The following ELMO1 variants were observed in gnomAD, a reference collection of about 807,000 sequenced individuals.
The protein encoded by ELMO1 is engulfment and cell motility 1.
ELMO1 carries 26 observed loss-of-function variants against 98.9 expected under a neutral mutation model. The ratio of observed to expected loss-of-function variants is 0.26; its 90% CI spans 0.19 to 0.36. ELMO1 has a LOEUF of 0.36. Ranked by LOEUF, ELMO1 falls within the 10% of genes least tolerant of loss-of-function variation. The pLI, the probability that ELMO1 is intolerant of heterozygous loss-of-function variation, is 1.00. For synonymous variants in ELMO1, 346 were observed against 346.0 expected, an observed-to-expected ratio of 1.00 and a Z score of 0.00; for missense variants, 627 against 935.2, an observed-to-expected ratio of 0.67 and a Z score of 4.30.
chr7:37,124,708 G>A (rs1386202119), intron 14 of ELMO1, among the ~76,000 whole-genome samples: 3 of 152,138 alleles, frequency 2.0e-5, no homozygotes, highest in Non-Finnish European at 4.4e-5. Flanking sequence ...TGGCCATACT[G>A]CTCAAGGTAA....
At chr7:37,447,864 C>T (rs1367957141) in intron 1 of ELMO1, among the ~76,000 whole-genome samples, 3 of 152,026 alleles carry the variant, frequency 2.0e-5, no homozygotes, top group Admixed American at 6.5e-5. Flanking sequence ...CTCCGGCGAT[C>T]GCAGTCGCCA....
At chr7:37,392,983 T>C (rs925689851) in intron 1 of ELMO1, among the ~76,000 whole-genome samples, 1 of 152,186 alleles carries the variant, frequency 6.6e-6, no homozygotes, top group Non-Finnish European at 1.5e-5. Context: ...CTCTTGGTTG[T>C]GCCCCTTGGC....
chr7:37,326,758 T>C (rs747683613), intron 2 of ELMO1, among the ~76,000 whole-genome samples: 3 of 152,134 alleles, frequency 2.0e-5, no homozygotes, highest in Non-Finnish European at 2.9e-5. Flanking sequence ...TAAGCAAAGA[T>C]AGAAATAATT....
chr7:37,192,023 T>C lies in ELMO1; in HGVS notation c.1086+19363A>G, dbSNP rs1459397752. Among the ~76,000 whole-genome samples the C allele has an allele frequency of 5.3e-5, 8 of 152,242 alleles. 1 individual carries two copies. The highest frequency in any genetic ancestry group is 1.9e-4 in the African/African-American group (8 of 41,464). On this transcript the variant is annotated intron_variant, in intron 13 of 21. Coordinates refer to ENST00000310758, the MANE Select transcript of ELMO1 (RefSeq NM_014800.11). ...ATCAAACATAGAGGTCAGTCTCCAC[T>C]GTGTAAAGGACAGAGTTCACAGAAG... is the stretch of plus-strand genomic sequence containing the variant.
At chr7:37,167,557 T>A (rs1219442367) in intron 13 of ELMO1, among the ~76,000 whole-genome samples, 28 of 150,778 alleles carry the variant, frequency 1.9e-4, no homozygotes, top group Non-Finnish European at 3.0e-4. Flanking sequence ...CTCTCAGCAT[T>A]TGCTTGTCTG....
At chr7:37,044,974 T>C (rs1795720109) in intron 15 of ELMO1, among the ~76,000 whole-genome samples, 1 of 152,246 alleles carries the variant, frequency 6.6e-6, no homozygotes, top group South Asian at 2.1e-4. Context: ...TTAGATAAAG[T>C]GGCTATACAG....
chr7:37,280,430 A>G (rs990737430), intron 4 of ELMO1, among the ~76,000 whole-genome samples: 9 of 152,326 alleles, frequency 5.9e-5, no homozygotes, highest in African/African-American at 2.2e-4. Context: ...ACAGAGTGGG[A>G]GAAAATCTTC....
chr7:37,374,353 G>A (rs1160188020), intron 1 of ELMO1, among the ~76,000 whole-genome samples: 6 of 152,128 alleles, frequency 3.9e-5, no homozygotes, highest in Non-Finnish European at 5.9e-5. Context: ...CATGTTGTCC[G>A]AGAATTAATA....
chr7:36,965,615 C>T (rs202048909), intron 16 of ELMO1, among the ~76,000 whole-genome samples: 15 of 152,176 alleles, frequency 9.9e-5, no homozygotes, highest in East Asian at 7.7e-4. Flanking sequence ...AAGCAATGAT[C>T]AACATAACTG....
At chr7:37,010,906 G>A (rs949389891) in intron 16 of ELMO1, among the ~76,000 whole-genome samples, 2 of 152,226 alleles carry the variant, frequency 1.3e-5, no homozygotes, top group African/African-American at 2.4e-5. Context: ...AGTATTTAAT[G>A]TAGAAAATTA....
chr7:37,387,259 A>C (rs1802847536), intron 1 of ELMO1, among the ~76,000 whole-genome samples: 1 of 152,206 alleles, frequency 6.6e-6, no homozygotes, highest in Admixed American at 6.5e-5. Context: ...AGCATCACTA[A>C]CTGTCTCACA....
intron 6 of ELMO1, among the ~76,000 whole-genome samples, chr7:37,249,313 C>T (rs968708648): frequency 6.6e-6 from 1 of 152,206 alleles, no homozygotes; most frequent in Admixed American, 6.5e-5. Context: ...TACATACACA[C>T]AGCACTAGAC....
chr7:37,193,476 C>T (rs1039542033), intron 13 of ELMO1, among the ~76,000 whole-genome samples: 3 of 152,154 alleles, frequency 2.0e-5, no homozygotes, highest in African/African-American at 2.4e-5. Context: ...GGTCACCCCT[C>T]GGGTTAAGGA....
chr7:37,218,122 A>G (rs1584825263), intron 10 of ELMO1, among the ~76,000 whole-genome samples: 2 of 152,186 alleles, frequency 1.3e-5, no homozygotes, highest in Admixed American at 1.3e-4. Flanking sequence ...AGACCAGATG[A>G]CAAATAAAAG....
At chr7:36,939,131 C>T (rs1313357351) in intron 16 of ELMO1, among the ~76,000 whole-genome samples, 4 of 151,414 alleles carry the variant, frequency 2.6e-5, no homozygotes, top group African/African-American at 9.7e-5. Flanking sequence ...CCCTAAAGTA[C>T]TATGGACATA....
chr7:37,400,361 G>C (rs1336106032), intron 1 of ELMO1, among the ~76,000 whole-genome samples: 1 of 151,948 alleles, frequency 6.6e-6, no homozygotes, highest in Non-Finnish European at 1.5e-5. Context: ...GAAGCCACTG[G>C]AGTTATTTCA....
chr7:37,014,723 G>A (rs929880471), intron 15 of ELMO1, among the ~76,000 whole-genome samples: 33 of 152,000 alleles, frequency 2.2e-4, no homozygotes, highest in African/African-American at 7.5e-4. Context: ...AGAACACAAG[G>A]TGTTTCATTT....
At chr7:37,027,169 T>C (rs1033406468) in intron 15 of ELMO1, among the ~76,000 whole-genome samples, 1 of 152,156 alleles carries the variant, frequency 6.6e-6, no homozygotes, top group African/African-American at 2.4e-5. Context: ...CCCAACTTTC[T>C]GAAACTGAGT....
intron 2 of ELMO1, among the ~76,000 whole-genome samples, chr7:37,323,295 A>C (rs1383713769): frequency 6.6e-6 from 1 of 152,034 alleles, no homozygotes; most frequent in Non-Finnish European, 1.5e-5. Context: ...TTTTATCTTA[A>C]CTCTTTTTCT....
Sources: allele counts gnomAD v4.1 joint callset (sites outside exome capture counted in the v4.1 genomes callset), GRCh38; gene constraint gnomAD v4.1.1; transcripts MANE v1.5; gene names NCBI Gene and HGNC (gene_info 2026-07-23, HGNC 2026-07-21).